KCNK2: variants seen among roughly 807,000 people sequenced by gnomAD.
The protein encoded by KCNK2 is potassium channel subfamily K member 2.
In KCNK2, 21 loss-of-function variants were observed where a neutral mutation model predicts 40.5. That is an observed-to-expected ratio of 0.52 (90% CI 0.37 to 0.75). The LOEUF is 0.75. KCNK2 is among the 30% of genes least tolerant of loss of function. The pLI, the probability that KCNK2 is intolerant of heterozygous loss-of-function variation, is 0.00. For synonymous variants in KCNK2, 191 were observed against 202.2 expected (o/e 0.94, Z 0.47); for missense variants, 399 against 531.6 (o/e 0.75, Z 2.45).
chr1:215,039,705 C>T (rs1657501381), intron 1 of KCNK2, among the ~76,000 whole-genome samples: 1 of 152,072 alleles, frequency 6.6e-6, no homozygotes, highest in African/African-American at 2.4e-5. Flanking sequence ...TCTTTAAATT[C>T]CCTTTCTACA....
intron 1 of KCNK2, among the ~76,000 whole-genome samples, chr1:215,084,182 G>GCA (rs71945726): frequency 0.099 from 14,057 of 141,812 alleles, 692 homozygotes; most frequent in Middle Eastern, 0.2. Context: ...TTAGGTTAAT[G>GCA]CACACACACA....
chr1:215,158,153 G>C (rs1481993869), intron 3 of KCNK2, among the ~76,000 whole-genome samples: 1 of 152,086 alleles, frequency 6.6e-6, no homozygotes, highest in Non-Finnish European at 1.5e-5. Flanking sequence ...TTCAGAGAAG[G>C]GTTCTATCAG....
chr1:215,171,506 A>T (rs1663709099), intron 4 of KCNK2, among the ~76,000 whole-genome samples: 1 of 152,150 alleles, frequency 6.6e-6, no homozygotes, highest in Non-Finnish European at 1.5e-5. Context: ...TTATGAAATT[A>T]ATGTTTATCA....
At chr1:215,007,077 A>G (rs1206388080) in intron 1 of KCNK2, among the ~76,000 whole-genome samples, 1 of 130,052 alleles carries the variant, frequency 7.7e-6, no homozygotes. Context: ...GTGTGTATAT[A>G]TATATGTGTG....
chr1:215,055,749 T>C (rs1306349486), intron 1 of KCNK2, among the ~76,000 whole-genome samples: 1 of 152,254 alleles, frequency 6.6e-6, no homozygotes, highest in Non-Finnish European at 1.5e-5. Flanking sequence ...TTGTTAGGTC[T>C]AGCAGAGGAA....
intron 3 of KCNK2, among the ~76,000 whole-genome samples, chr1:215,135,992 C>T (rs1235890188): frequency 3.9e-5 from 6 of 152,100 alleles, no homozygotes; most frequent in South Asian, 2.1e-4. Context: ...CTCAGCCTCC[C>T]GAAGTGCTGG....
In KCNK2 at chr1:215,225,834, A is replaced by G. The variant is rs149479328; in HGVS notation, c.964-8994A>G. Among the ~76,000 whole-genome samples the G allele has an allele frequency of 5.7e-4, 87 of 152,286 alleles. 1 individual carries two copies. Among genetic ancestry groups the G allele is most frequent in the African/African-American group, 2.1e-3 (86 of 41,568 alleles). On this transcript the variant is annotated intron_variant, in intron 6 of 6. Transcript: ENST00000444842. ...TGCAGTGTGGAGAGGGTAGGAAGGA[A>G]GGTTGAACTTGATAAGAAACAGAAC...
At chr1:215,043,830 C>A (rs188521689) in intron 1 of KCNK2, among the ~76,000 whole-genome samples, 409 of 152,208 alleles carry the variant, frequency 2.7e-3, no homozygotes, top group Admixed American at 8.1e-3. Context: ...AATAAGAAGT[C>A]TAAAGAAATC....
At chr1:215,038,807 C>T (rs1364815460) in intron 1 of KCNK2, among the ~76,000 whole-genome samples, 1 of 151,986 alleles carries the variant, frequency 6.6e-6, no homozygotes, top group Non-Finnish European at 1.5e-5. Context: ...CATTTTATTC[C>T]CAGCACTTCT....
intron 5 of KCNK2, among the ~76,000 whole-genome samples, chr1:215,173,692 G>A (rs1258875292): frequency 1.3e-5 from 2 of 152,128 alleles, no homozygotes; most frequent in Non-Finnish European, 2.9e-5. Context: ...TCTCATTGTG[G>A]TTTTGATTTG....
chr1:215,209,920 G>T (rs1665630709), intron 6 of KCNK2, among the ~76,000 whole-genome samples: 1 of 45,974 alleles, frequency 2.2e-5, no homozygotes, highest in Non-Finnish European at 3.7e-5. Flanking sequence ...TGTGTAGTTT[G>T]CATACTGCAC....
chr1:215,172,219 CAG>C (rs749944401), intron 5 of KCNK2, 36 bp downstream of exon 5: 8 of 1,554,216 alleles, frequency 5.1e-6, no homozygotes, highest in Non-Finnish European at 7.0e-6. Context: ...ACTCTTCTAA[CAG>C]GGGTTTATTA....
At chr1:215,175,449 A>AT (rs34269537) in intron 5 of KCNK2, among the ~76,000 whole-genome samples, 65,768 of 147,448 alleles carry the variant, frequency 0.45, 15,248 homozygotes, top group East Asian at 0.64. Flanking sequence ...TCTGCCTCTG[A>AT]TTTTTTTTTT....
chr1:215,132,253 C>G (rs1661710053), intron 3 of KCNK2, among the ~76,000 whole-genome samples: 1 of 152,202 alleles, frequency 6.6e-6, no homozygotes, highest in Non-Finnish European at 1.5e-5. Flanking sequence ...ACAGAAGCCA[C>G]TGCCTGAACT....
At chr1:215,213,489 T>TA (rs1427098673) in intron 6 of KCNK2, among the ~76,000 whole-genome samples, 30 of 152,126 alleles carry the variant, frequency 2.0e-4, no homozygotes, top group East Asian at 1.9e-3. Context: ...CGCATGCCTG[T>TA]AATCCCAGCT....
chr1:215,084,273 T>C (rs1161780096), intron 1 of KCNK2, among the ~76,000 whole-genome samples: 2 of 151,748 alleles, frequency 1.3e-5, no homozygotes, highest in Non-Finnish European at 2.9e-5. Flanking sequence ...CATGTGGCAA[T>C]GTCTTAATGG....
chr1:215,156,608 T>C (rs1484953971), intron 3 of KCNK2, among the ~76,000 whole-genome samples: 1 of 152,206 alleles, frequency 6.6e-6, no homozygotes, highest in East Asian at 1.9e-4. Context: ...CATATGGCTA[T>C]AATGAACTAC....
chr1:215,192,645 A>C (rs1243718631), intron 5 of KCNK2, among the ~76,000 whole-genome samples: 3 of 152,194 alleles, frequency 2.0e-5, no homozygotes, highest in Non-Finnish European at 4.4e-5. Flanking sequence ...AATGAAATTC[A>C]CTGGTGAGAC....
At chr1:215,218,221 C>T (rs1666033811) in intron 6 of KCNK2, among the ~76,000 whole-genome samples, 1 of 152,164 alleles carries the variant, frequency 6.6e-6, no homozygotes, top group Non-Finnish European at 1.5e-5. Context: ...TAGATCCTAT[C>T]TATGAACATG....
Sources: allele counts gnomAD v4.1 joint callset (sites outside exome capture counted in the v4.1 genomes callset), GRCh38; gene constraint gnomAD v4.1.1; transcripts MANE v1.5; gene names NCBI Gene and HGNC (gene_info 2026-07-23, HGNC 2026-07-21).